The following PGR variants were observed in gnomAD, a reference collection of about 807,000 sequenced individuals.
PGR encodes the protein nuclear receptor subfamily 3 group C member 3.
A neutral mutation model predicts 76.1 loss-of-function variants in PGR; 25 were observed. The ratio of observed to expected loss-of-function variants is 0.33; its 90% confidence interval spans 0.24 to 0.46. PGR has a LOEUF of 0.46. PGR is among the 20% of genes least tolerant of loss of function. PGR has a pLI of 1.00. For synonymous variants in PGR, 579 were observed against 535.0 expected (o/e 1.08, Z -1.14); for missense variants, 1,172 against 1,225.3 (o/e 0.96, Z 0.65).
intron 4 of PGR, among the ~76,000 whole-genome samples, chr11:101,054,312 ACT>A (rs1255295942): frequency 6.6e-6 from 1 of 151,984 alleles, no homozygotes; most frequent in African/African-American, 2.4e-5. Flanking sequence ...GTGCAGAAAG[ACT>A]CTCTAACTAA....
At chr11:101,057,608 T>TC (rs1860340983) in intron 4 of PGR, among the ~76,000 whole-genome samples, 1 of 152,142 alleles carries the variant, frequency 6.6e-6, no homozygotes, top group South Asian at 2.1e-4. Context: ...GCAACATGAA[T>TC]CCAAGTAAAA....
intron 3 of PGR, among the ~76,000 whole-genome samples, chr11:101,081,038 C>T (rs1861289415): frequency 6.6e-6 from 1 of 152,044 alleles, no homozygotes; most frequent in South Asian, 2.1e-4. Flanking sequence ...AAAAAGAAAA[C>T]AAACTGGAAA....
chr11:101,086,866 T>A (rs574032087), intron 3 of PGR, among the ~76,000 whole-genome samples: 1 of 151,880 alleles, frequency 6.6e-6, no homozygotes, highest in Non-Finnish European at 1.5e-5. Flanking sequence ...TACCTAGGTA[T>A]ACATATAACT....
At chr11:101,084,654 T>C (rs1170401568) in intron 3 of PGR, among the ~76,000 whole-genome samples, 2 of 127,700 alleles carry the variant, frequency 1.6e-5, no homozygotes, top group Non-Finnish European at 3.2e-5. Context: ...TAAGACTCCA[T>C]CTAAAAAAAA....
chr11:101,117,645 G>A (rs1862552697), intron 2 of PGR, among the ~76,000 whole-genome samples: 1 of 151,772 alleles, frequency 6.6e-6, no homozygotes, highest in Non-Finnish European at 1.5e-5. Flanking sequence ...TGACCCACCT[G>A]AAATTTTTCT....
chr11:101,108,801 G>A (rs560552704), intron 2 of PGR, among the ~76,000 whole-genome samples: 8 of 152,258 alleles, frequency 5.3e-5, no homozygotes, highest in Middle Eastern at 3.4e-3. Context: ...CAAGCATATC[G>A]TATCTTATTG....
intron 1 of PGR, 82 bp downstream of exon 1, chr11:101,127,352 G>T: frequency 9.2e-7 from 1 of 1,089,252 alleles, no homozygotes; most frequent in Non-Finnish European, 1.3e-6. Context: ...CGCTGGGGCT[G>T]GGGCTGAGGG....
chr11:101,044,293 C>T (rs1200037894), intron 6 of PGR, among the ~76,000 whole-genome samples: 1 of 152,162 alleles, frequency 6.6e-6, no homozygotes, highest in Non-Finnish European at 1.5e-5. Flanking sequence ...CATGAACCAA[C>T]TTCTGCTAGC....
Position 101,127,596 on chromosome 11 carries a change from C to A in PGR, c.1475G>T (p.Arg492Leu), listed in dbSNP as rs753242711. Residue 492 changes from arginine (R) to leucine (L), a missense_variant, in exon 1 of 8, where the codon CGG (arginine) becomes CTG (leucine). Transcript: ENST00000325455. The part of the protein sequence containing the change: ...APGASGCLLP[R>L]DGLPSTSASA... ...GGCGGAGGTGGAGGGCAGGCCGTCC[C>A]GCGGGAGCAGGCAGCCGCTCGCGCC... 2.5e-5 allele frequency: 33 copies of A among 1,304,664 alleles called. No individual in the cohort carries two copies. In the East Asian group the frequency reaches 9.7e-4, roughly 38 times the overall value. 80.8% of individuals were successfully genotyped at this position (1,304,664 alleles called of 1,614,324 possible). A position where few individuals can be genotyped will look rare whatever the true frequency, so the allele number is the denominator to read the frequency against.
intron 3 of PGR, among the ~76,000 whole-genome samples, chr11:101,068,773 T>C (rs1860814116): frequency 6.6e-6 from 1 of 151,876 alleles, no homozygotes; most frequent in African/African-American, 2.4e-5. Context: ...GGGGAAAGGA[T>C]TCCCTATTTA....
At chr11:101,049,899 T>C in intron 6 of PGR, 30 bp downstream of exon 6, 1 of 1,578,748 alleles carries the variant, frequency 6.3e-7, no homozygotes, top group South Asian at 1.1e-5. Flanking sequence ...AAACTAGATA[T>C]CTTGCATTAA....
At chr11:101,061,539 C>T (rs1281731740) in intron 4 of PGR, among the ~76,000 whole-genome samples, 2 of 152,042 alleles carry the variant, frequency 1.3e-5, no homozygotes. Context: ...CTAAAAGTGC[C>T]ATTGAATTTA....
At position 101,035,206 on chromosome 11, in the gene PGR, G is replaced by A. The variant is rs1043272671; in HGVS notation, c.*3910C>T. On this transcript the variant is annotated 3_prime_UTR_variant, in exon 8 of 8. Coordinates refer to ENST00000325455, the MANE Select transcript of PGR (RefSeq NM_000926.4). The stretch of plus-strand genomic sequence containing the variant: ...TGGGGACCACAGTTGTTGAGCTATT[G>A]AATACAAAAATAGAGTATCTTTAAA... 9.2e-6 allele frequency: 2 copies of A among 218,554 alleles called. No homozygotes were observed. Among genetic ancestry groups the A allele is most frequent in the Non-Finnish European group, 1.8e-5 (2 of 108,978 alleles). 13.5% of individuals were successfully genotyped at this position (218,554 alleles called of 1,614,324 possible). A position where few individuals can be genotyped will look rare whatever the true frequency, so the allele number is the denominator to read the frequency against.
chr11:101,081,939 C>A (rs1250186388), intron 3 of PGR, among the ~76,000 whole-genome samples: 9 of 152,142 alleles, frequency 5.9e-5, no homozygotes, highest in Non-Finnish European at 1.0e-4. Context: ...GGTCTAAATG[C>A]CTGATATGGT....
intron 6 of PGR, among the ~76,000 whole-genome samples, chr11:101,045,796 G>T (rs73580090): frequency 0.015 from 2,259 of 152,082 alleles, 63 homozygotes; most frequent in African/African-American, 0.052. Flanking sequence ...GAATACTGCT[G>T]TAATAAACAA....
intron 2 of PGR, among the ~76,000 whole-genome samples, chr11:101,103,536 G>A (rs1365039924): frequency 6.6e-6 from 1 of 152,070 alleles, no homozygotes; most frequent in Admixed American, 6.6e-5. Flanking sequence ...AGACAAACAA[G>A]TACTTCGGTA....
chr11:101,091,953 T>G lies in PGR; in HGVS notation c.1790-77A>C, dbSNP rs1369426921. The G allele has an allele frequency of 6.5e-6, 5 of 769,874 alleles. No homozygotes were observed. The East Asian group carries it at 1.3e-4, about 20-fold the overall frequency. 47.7% of individuals were successfully genotyped at this position (769,874 alleles called of 1,614,324 possible). On this transcript the variant is annotated intron_variant, in intron 2 of 7. Coordinates refer to ENST00000325455, the MANE Select transcript of PGR (RefSeq NM_000926.4). Reference sequence around the variant, plus strand: ...AAATTCTATGCAGTGACAACTGAAATAGAGACTAGATACACATCAGCAAGT... The same window carrying G: ...AAATTCTATGCAGTGACAACTGAAAGAGAGACTAGATACACATCAGCAAGT...
intron 5 of PGR, 52 bp from the exon 6 acceptor site, chr11:101,050,111 G>C: frequency 6.3e-7 from 1 of 1,586,316 alleles, no homozygotes; most frequent in Non-Finnish European, 8.6e-7. Context: ...AAAAAATAGT[G>C]TCTCAGCCAG....
intron 2 of PGR, among the ~76,000 whole-genome samples, chr11:101,094,151 C>T (rs1051669801): frequency 1.3e-5 from 2 of 152,142 alleles, no homozygotes; most frequent in East Asian, 3.9e-4. Flanking sequence ...AAAAAGGAAC[C>T]CTAGCTCACT....
Sources: gnomAD v4.1 joint callset for allele counts (sites outside exome capture counted in the v4.1 genomes callset) on GRCh38, gnomAD v4.1.1 for gene constraint, MANE v1.5 for transcripts, NCBI Gene and HGNC (gene_info 2026-07-23, HGNC 2026-07-21) for gene names.